Variants in CSTPP1 observed in about 807,000 individuals in gnomAD.
CSTPP1 encodes the protein centriolar satellite-associated tubulin polyglutamylase complex regulator 1.
chr11:47,154,127 G>T, the CSTPP1 span, among the ~76,000 whole-genome samples: 5 of 152,010 alleles, frequency 3.3e-5, no homozygotes, highest in Non-Finnish European at 5.9e-5. Context: ...AGTAGAAGTG[G>T]GGTTTCACCA....
At chr11:47,161,276 TTGTC>T in the CSTPP1 span, 2 of 1,609,256 alleles carry the variant, frequency 1.2e-6, no homozygotes, top group Non-Finnish European at 1.7e-6. Flanking sequence ...CCAACACCAC[TTGTC>T]TGTAACATCC....
the CSTPP1 span, among the ~76,000 whole-genome samples, chr11:47,097,062 C>T: frequency 8.8e-5 from 13 of 148,184 alleles, no homozygotes; most frequent in Non-Finnish European, 1.5e-4. Flanking sequence ...GGGGGTCAGC[C>T]CCCCCACCCG....
the CSTPP1 span, among the ~76,000 whole-genome samples, chr11:47,101,164 ATTTTTTT>A: frequency 3.3e-5 from 1 of 30,374 alleles, no homozygotes; most frequent in African/African-American, 1.8e-4. Flanking sequence ...ACACCGGCTA[ATTTTTTT>A]TTTTTTTTTT....
the CSTPP1 span, among the ~76,000 whole-genome samples, chr11:47,105,511 A>AT: frequency 3.3e-5 from 5 of 151,626 alleles, no homozygotes; most frequent in Admixed American, 6.6e-5. Context: ...TGAAAAAAAA[A>AT]TTTTTTTTTA....
chr11:47,156,269 A>C, the CSTPP1 span, among the ~76,000 whole-genome samples: 2 of 152,176 alleles, frequency 1.3e-5, no homozygotes. Context: ...CATGTCTGGG[A>C]GAACATTTTT....
At chr11:47,016,411 CA>C in the CSTPP1 span, among the ~76,000 whole-genome samples, 2,151 of 111,000 alleles carry the variant, frequency 0.019, 57 homozygotes, top group African/African-American at 0.066. Context: ...AAACAAAAAA[CA>C]AAAAAAAAAC....
chr11:47,124,706 C>T, the CSTPP1 span, among the ~76,000 whole-genome samples: 2 of 152,186 alleles, frequency 1.3e-5, no homozygotes, highest in African/African-American at 4.8e-5. Context: ...AGAAACCAAA[C>T]CCCAGTGAGT....
chr11:47,115,390 G>A, the CSTPP1 span, among the ~76,000 whole-genome samples: 3 of 152,184 alleles, frequency 2.0e-5, no homozygotes, highest in Non-Finnish European at 4.4e-5. Context: ...GATTGGAATA[G>A]TTTCAGAAGG....
At chr11:47,164,270 G>A in the CSTPP1 span, 1 of 1,604,328 alleles carries the variant, frequency 6.2e-7, no homozygotes, top group Non-Finnish European at 8.5e-7. Flanking sequence ...GGCCGGCACT[G>A]GGCAGGGAGG....
the CSTPP1 span, among the ~76,000 whole-genome samples, chr11:46,951,049 A>G: frequency 6.6e-6 from 1 of 152,246 alleles, no homozygotes; most frequent in African/African-American, 2.4e-5. Context: ...AGCTGATCCC[A>G]CTTTTCTTTG....
the CSTPP1 span, among the ~76,000 whole-genome samples, chr11:47,039,179 C>T: frequency 7.9e-6 from 1 of 126,996 alleles, no homozygotes; most frequent in African/African-American, 2.5e-5. Context: ...TGTAGCGAGC[C>T]GAGGTCACGC....
the CSTPP1 span, among the ~76,000 whole-genome samples, chr11:46,995,169 T>C: frequency 1.5e-4 from 23 of 152,204 alleles, no homozygotes; most frequent in Non-Finnish European, 4.4e-5. Flanking sequence ...TTCTCTCTTT[T>C]CTTCTTTATT....
chr11:47,033,661 C>G, the CSTPP1 span, among the ~76,000 whole-genome samples: 1 of 152,182 alleles, frequency 6.6e-6, no homozygotes, highest in Non-Finnish European at 1.5e-5. Flanking sequence ...GCAGTTTTCT[C>G]CAGCAGGAAT....
At chr11:47,127,017 A>C in the CSTPP1 span, among the ~76,000 whole-genome samples, 21 of 152,168 alleles carry the variant, frequency 1.4e-4, no homozygotes, top group African/African-American at 4.8e-4. Flanking sequence ...TCACTGTGGG[A>C]ATTCACTGTG....
chr11:46,958,960 A>T, the CSTPP1 span, among the ~76,000 whole-genome samples: 1 of 152,216 alleles, frequency 6.6e-6, no homozygotes, highest in Non-Finnish European at 1.5e-5. Flanking sequence ...CAATCTACTC[A>T]TTCAAATGCT....
At chr11:46,976,906 A>ACC in the CSTPP1 span, among the ~76,000 whole-genome samples, 1 of 152,196 alleles carries the variant, frequency 6.6e-6, no homozygotes, top group Admixed American at 6.5e-5. Context: ...GTTGGAAAAA[A>ACC]CCCTCACTTT....
chr11:47,138,979 CAAAAAAAAAAAAAAAAAAAA>C, the CSTPP1 span, among the ~76,000 whole-genome samples: 5 of 40,898 alleles, frequency 1.2e-4, no homozygotes, highest in Admixed American at 9.7e-4. Flanking sequence ...GACTCCGTCT[CAAAAAAAAAAAAAAAAAAAA>C]AAAAAAAAAA....
the CSTPP1 span, among the ~76,000 whole-genome samples, chr11:46,941,343 T>G: frequency 3.3e-5 from 5 of 152,268 alleles, no homozygotes; most frequent in African/African-American, 1.2e-4. Flanking sequence ...CTCAATTTTT[T>G]TTTTCTTTTT....
chr11:46,942,768 A>T, the CSTPP1 span, among the ~76,000 whole-genome samples: 1 of 152,194 alleles, frequency 6.6e-6, no homozygotes, highest in Non-Finnish European at 1.5e-5. Context: ...GTAGTTATTA[A>T]TATCATCTTC....
Sources: gnomAD v4.1 joint callset for allele counts (sites outside exome capture counted in the v4.1 genomes callset) on GRCh38, gnomAD v4.1.1 for gene constraint, MANE v1.5 for transcripts, NCBI Gene and HGNC (gene_info 2026-07-23, HGNC 2026-07-21) for gene names.